MAGI2: variants seen among roughly 807,000 people sequenced by gnomAD.
MAGI2 encodes the protein membrane-associated guanylate kinase, WW and PDZ domain-containing protein 2.
MAGI2 carries 35 observed loss-of-function variants against 133.3 expected under a neutral mutation model. The ratio of observed to expected loss-of-function variants is 0.26; its 90% CI spans 0.20 to 0.35. The LOEUF is 0.35. MAGI2 is among the 10% of genes least tolerant of loss of function. MAGI2 has a pLI of 1.00. For synonymous variants in MAGI2, 729 were observed against 710.6 expected, an observed-to-expected ratio of 1.03 and a Z score of -0.41; for missense variants, 1,636 against 1,863.4, an observed-to-expected ratio of 0.88 and a Z score of 2.25.
intron 1 of MAGI2, among the ~76,000 whole-genome samples, chr7:79,128,030 T>G (rs1820586939): frequency 6.6e-6 from 1 of 152,166 alleles, no homozygotes; most frequent in Admixed American, 6.5e-5. Flanking sequence ...CTAGCCAGTT[T>G]TCCCAGCACC....
At chr7:78,897,157 T>C (rs1011934522) in intron 2 of MAGI2, among the ~76,000 whole-genome samples, 7 of 152,216 alleles carry the variant, frequency 4.6e-5, no homozygotes, top group African/African-American at 1.7e-4. Flanking sequence ...CTTAAACATA[T>C]TTATCATATT....
In MAGI2 at chr7:78,521,039, C is replaced by G. The variant is rs1044831468; in HGVS notation, c.754+391G>C. On this transcript the variant is annotated intron_variant, in intron 4 of 21. Coordinates refer to ENST00000354212, the MANE Select transcript of MAGI2 (RefSeq NM_012301.4). ...CAAGATTTCGAAGAATAGATTTTCT[C>G]TAATATTAATTAACAGAGAGCTCAA... Among the ~76,000 whole-genome samples, 2 of 152,142 alleles carry G rather than the reference C, an allele frequency of 1.3e-5. 1 individual carries two copies. Among genetic ancestry groups the G allele is most frequent in the African/African-American group, 4.8e-5 (2 of 41,524 alleles).
At chr7:78,661,013 C>G (rs549613057) in intron 2 of MAGI2, among the ~76,000 whole-genome samples, 1 of 152,168 alleles carries the variant, frequency 6.6e-6, no homozygotes, top group Non-Finnish European at 1.5e-5. Context: ...ACAGTGTCCA[C>G]TCCCGTCGTT....
At chr7:79,334,421 T>C (rs1416709437) in intron 1 of MAGI2, among the ~76,000 whole-genome samples, 1 of 152,184 alleles carries the variant, frequency 6.6e-6, no homozygotes, top group African/African-American at 2.4e-5. Context: ...TCTTCTCTTT[T>C]TTATAAGTCT....
At chr7:78,517,418 G>T (rs1290030805) in intron 4 of MAGI2, among the ~76,000 whole-genome samples, 1 of 152,122 alleles carries the variant, frequency 6.6e-6, no homozygotes, top group African/African-American at 2.4e-5. Flanking sequence ...ACATGTGTTG[G>T]AGAGCGGATG....
At chr7:79,391,410 C>T (rs909792499) in intron 1 of MAGI2, among the ~76,000 whole-genome samples, 1 of 149,422 alleles carries the variant, frequency 6.7e-6, no homozygotes, top group Admixed American at 6.7e-5. Context: ...TTACGGACAA[C>T]TTAGGATTGT....
intron 2 of MAGI2, among the ~76,000 whole-genome samples, chr7:78,835,163 T>G (rs1056889212): frequency 6.6e-6 from 1 of 152,214 alleles, no homozygotes; most frequent in African/African-American, 2.4e-5. Flanking sequence ...CAGATTGTTT[T>G]CCAAAATGGC....
At chr7:79,086,706 C>G (rs937153914) in intron 1 of MAGI2, among the ~76,000 whole-genome samples, 1 of 151,192 alleles carries the variant, frequency 6.6e-6, no homozygotes, top group Non-Finnish European at 1.5e-5. Context: ...TTTTGGTGAA[C>G]AAAATGAAAA....
intron 1 of MAGI2, among the ~76,000 whole-genome samples, chr7:79,028,265 ATATG>A (rs1329617871): frequency 0.035 from 812 of 22,954 alleles, 18 homozygotes; most frequent in African/African-American, 0.046. Flanking sequence ...ATATATATAT[ATATG>A]TATGTATGTA....
chr7:79,011,028 G>A (rs753619999), intron 1 of MAGI2: 1 of 152,084 alleles, frequency 6.6e-6, no homozygotes, highest in African/African-American at 2.4e-5. Flanking sequence ...TCAGAAGAAC[G>A]TTTGGAATAG....
chr7:78,914,437 T>C (rs932250545), intron 2 of MAGI2, among the ~76,000 whole-genome samples: 5 of 152,198 alleles, frequency 3.3e-5, no homozygotes, highest in Non-Finnish European at 5.9e-5. Context: ...AACAAAATAC[T>C]TTTTCATTTC....
chr7:79,043,875 T>C (rs1310243933), intron 1 of MAGI2, among the ~76,000 whole-genome samples: 2 of 152,070 alleles, frequency 1.3e-5, no homozygotes, highest in Non-Finnish European at 1.5e-5. Flanking sequence ...AACAGAAGAA[T>C]ATGAGTTGTG....
intron 1 of MAGI2, among the ~76,000 whole-genome samples, chr7:79,323,689 A>C (rs1281103508): frequency 6.6e-6 from 1 of 152,190 alleles, no homozygotes; most frequent in African/African-American, 2.4e-5. Flanking sequence ...AACTCACGTA[A>C]GCTAGGGTAG....
intron 2 of MAGI2, among the ~76,000 whole-genome samples, chr7:78,928,577 T>A (rs1349294200): frequency 6.6e-6 from 1 of 152,092 alleles, no homozygotes; most frequent in Non-Finnish European, 1.5e-5. Flanking sequence ...CTTGTACTTC[T>A]CAGGCACTTG....
chr7:79,001,590 T>A (rs1186432796), intron 2 of MAGI2, among the ~76,000 whole-genome samples: 1 of 152,208 alleles, frequency 6.6e-6, no homozygotes, highest in African/African-American at 2.4e-5. Flanking sequence ...TTCCTCATAT[T>A]TAAGAAGCAT....
intron 6 of MAGI2, among the ~76,000 whole-genome samples, chr7:78,383,315 G>C (rs1795092658): frequency 6.6e-6 from 1 of 152,018 alleles, no homozygotes; most frequent in African/African-American, 2.4e-5. Flanking sequence ...TTCTCACTGG[G>C]TAAGATGATA....
intron 2 of MAGI2, among the ~76,000 whole-genome samples, chr7:78,830,320 T>C (rs1209509298): frequency 1.3e-5 from 2 of 152,168 alleles, no homozygotes; most frequent in Admixed American, 1.3e-4. Context: ...ATGACCACTT[T>C]TTTATCTTTA....
At chr7:78,284,136 T>A (rs1795909043) in intron 9 of MAGI2, among the ~76,000 whole-genome samples, 1 of 152,190 alleles carries the variant, frequency 6.6e-6, no homozygotes, top group East Asian at 1.9e-4. Flanking sequence ...ACACAGTATA[T>A]AACATGGTGT....
intron 1 of MAGI2, among the ~76,000 whole-genome samples, chr7:79,367,673 T>C (rs935781616): frequency 4.6e-5 from 7 of 151,804 alleles, no homozygotes; most frequent in Admixed American, 2.0e-4. Context: ...CTGGCATAAA[T>C]ATATGCTCAA....
Sources: gnomAD v4.1 joint callset for allele counts (sites outside exome capture counted in the v4.1 genomes callset) on GRCh38, gnomAD v4.1.1 for gene constraint, MANE v1.5 for transcripts, NCBI Gene and HGNC (gene_info 2026-07-23, HGNC 2026-07-21) for gene names.